Variants in KCNV2 observed in about 807,000 individuals in gnomAD.
KCNV2 encodes the protein potassium voltage-gated channel modifier subfamily V member 2.
Under a neutral mutation model 37.0 loss-of-function variants are expected in KCNV2, and 65 were observed. The ratio of observed to expected loss-of-function variants is 1.76; its 90% CI spans 1.44 to 2.16. The LOEUF is 2.16. Ranked by LOEUF, KCNV2 falls within the 30% of genes most tolerant of loss-of-function variation. KCNV2 has a pLI of 0.00. For synonymous variants in KCNV2, 518 were observed against 328.6 expected, an observed-to-expected ratio of 1.58 and a Z score of -6.23; for missense variants, 1,232 against 766.7, an observed-to-expected ratio of 1.61 and a Z score of -7.17.
chr9:2,724,553 T>G (rs911672684), intron 1 of KCNV2, among the ~76,000 whole-genome samples: 1 of 151,974 alleles, frequency 6.6e-6, no homozygotes, highest in Non-Finnish European at 1.5e-5. Flanking sequence ...ATTGGGAGAA[T>G]AAATGGGAAA....
chr9:2,728,230 G>C (rs991831061), intron 1 of KCNV2, among the ~76,000 whole-genome samples: 2 of 152,120 alleles, frequency 1.3e-5, no homozygotes, highest in African/African-American at 4.8e-5. Flanking sequence ...CCTCAGCACG[G>C]ATCAACAAGA....
chr9:2,729,222 G>A (rs150880112), intron 1 of KCNV2, among the ~76,000 whole-genome samples: 2 of 152,304 alleles, frequency 1.3e-5, no homozygotes, highest in East Asian at 3.9e-4. Flanking sequence ...TCGTAGTCAG[G>A]ATTTCAGCCA....
In KCNV2 at chr9:2,717,782, C is replaced by T. The variant is rs761171845; in HGVS notation, c.43C>T (p.Pro15Ser). The change falls in exon 1 of 2, where the codon CCC becomes TCC. Residue 15 changes from proline (P) to serine (S), a missense_variant. Physicochemically the swap from Pro to Ser is moderately conservative, Grantham distance 74. Transcript: ENST00000382082. ...GAGGAGACGGTCCTGGAGCTACAGG[C>T]CCTGGAACACGACGGAGAATGAGGG... Reference protein sequence around the residue: ...SERRRSWSYRPWNTTENEGSQ... With the variant: ...SERRRSWSYRSWNTTENEGSQ... The T allele has an allele frequency of 1.9e-6, 3 of 1,614,216 alleles. No homozygotes were observed. Among genetic ancestry groups the T allele is most frequent in the East Asian group, 2.2e-5 (1 of 44,884 alleles).
chr9:2,722,772 T>G (rs896385298), intron 1 of KCNV2, among the ~76,000 whole-genome samples: 2 of 152,166 alleles, frequency 1.3e-5, no homozygotes, highest in Non-Finnish European at 2.9e-5. Flanking sequence ...AAGGTTCTTC[T>G]CTTTCATGAG....
chr9:2,718,593 T>C lies in KCNV2; in HGVS notation c.854T>C (p.Met285Thr), dbSNP rs148050307. The C allele has an allele frequency of 6.2e-7, 1 of 1,613,006 alleles. No homozygotes were observed. The highest frequency in any genetic ancestry group is 8.5e-7 in the Non-Finnish European group (1 of 1,179,800). ...CTGGCGCTCAACACCGTGGAGGAGA[T>C]GCAGCAGCACTCGGGGCAGGGCGAG... is the stretch of plus-strand genomic sequence containing the variant. ...VALALNTVEE[M>T]QQHSGQGEGG... is the part of the protein sequence containing the mutation. Residue 285 changes from methionine (M) to threonine (T), a missense_variant, in exon 1 of 2, where the codon ATG (methionine) becomes ACG (threonine). Physicochemically the swap from Met to Thr is moderately conservative, Grantham distance 81. Coordinates refer to ENST00000382082, the MANE Select transcript of KCNV2 (RefSeq NM_133497.4).
intron 1 of KCNV2, among the ~76,000 whole-genome samples, chr9:2,723,725 T>C (rs994248918): frequency 7.9e-5 from 12 of 152,344 alleles, no homozygotes; most frequent in Middle Eastern, 3.4e-3. Context: ...AATGATTCTT[T>C]TTCTACTGAG....
Position 2,718,713 on chromosome 9 carries a change from C to A in KCNV2, c.974C>A (p.Pro325His), listed in dbSNP as rs780804898. 2 of 1,613,086 alleles carry A rather than the reference C, an allele frequency of 1.2e-6. No individual in the cohort carries two copies. The highest frequency in any genetic ancestry group is 1.1e-5 in the South Asian group (1 of 91,086). ...LEYLLRLAST[P>H]DLRRFARSAL... ...TACCTGCTGCGCCTAGCCTCCACGC[C>A]CGACCTGAGGCGCTTCGCGCGCAGC... is the stretch of plus-strand genomic sequence containing the variant. Residue 325 changes from proline (P) to histidine (H), a missense_variant, in exon 1 of 2, where the codon CCC becomes CAC. Transcript: ENST00000382082.
rs147609980 is a variant in KCNV2, at chr9:2,728,228, C to T, written c.1357-1218C>T. 8.5e-4 allele frequency among the ~76,000 whole-genome samples: 129 copies of T among 152,272 alleles called. 1 individual carries two copies. Among genetic ancestry groups the T allele is most frequent in the African/African-American group, 2.8e-3 (118 of 41,558 alleles). On this transcript the variant is annotated intron_variant, in intron 1 of 1. Coordinates refer to ENST00000382082, the MANE Select transcript of KCNV2 (RefSeq NM_133497.4). ...TGCTAAGCTAACGGCCACCTCAGCA[C>T]GGATCAACAAGATGACCATATGCTT...
In KCNV2 at chr9:2,718,341, T is replaced by A. The variant is rs761992453; in HGVS notation, c.602T>A (p.Ile201Asn). Residue 201 changes from isoleucine to asparagine, a missense_variant, in exon 1 of 2, where the codon ATC becomes AAC. Ile to Asn is a moderately radical substitution (Grantham distance 149). Transcript: ENST00000382082. ...RLKYTPRCCR[I>N]CFEERRDELS... Reference sequence around the variant, plus strand: ...AAGTACACGCCACGCTGCTGCCGCATCTGCTTCGAGGAGCGGCGCGACGAG... The same window carrying A: ...AAGTACACGCCACGCTGCTGCCGCAACTGCTTCGAGGAGCGGCGCGACGAG... The A allele has an allele frequency of 2.7e-5, 43 of 1,603,238 alleles. No individual in the cohort carries two copies. Among genetic ancestry groups the A allele is most frequent in the Non-Finnish European group, 3.1e-5 (37 of 1,176,698 alleles).
intron 1 of KCNV2, among the ~76,000 whole-genome samples, chr9:2,723,692 A>C (rs1040883736): frequency 2.6e-5 from 4 of 152,220 alleles, no homozygotes; most frequent in Non-Finnish European, 4.4e-5. Flanking sequence ...TTCTACATTC[A>C]TTTGGGAAGA....
chr9:2,718,263 G>C lies in KCNV2; in HGVS notation c.524G>C (p.Gly175Ala). ...YLSGVLLVLD[G>A]LCPRRFLEEL... ...TCCGGGGTGCTGCTGGTGCTCGACG[G>C]GCTGTGTCCGCGCCGCTTCCTGGAG... The change falls in exon 1 of 2, where the codon GGG (glycine) becomes GCG (alanine). Residue 175 changes from glycine (G) to alanine (A), a missense_variant. Gly to Ala is a moderately conservative substitution (Grantham distance 60). Transcript: ENST00000382082. The C allele has an allele frequency of 6.2e-7, 1 of 1,612,724 alleles. No homozygotes were observed. The highest frequency in any genetic ancestry group is 1.1e-5 in the South Asian group (1 of 91,012).
In KCNV2 at chr9:2,718,796, G is replaced by A. The variant is rs369069912; in HGVS notation, c.1057G>A (p.Glu353Lys). Residue 353 changes from glutamate to lysine, a missense_variant, in exon 1 of 2, where the codon GAG becomes AAG. By Grantham distance (56) the Glu-to-Lys change is moderately conservative. Transcript: ENST00000382082. ...GCCGCTCTACCTTCAGCTGCTGCTC[G>A]AGTGCTTCACGGGCGAGGGCCACCA... is the stretch of plus-strand genomic sequence containing the variant. ...ILPLYLQLLL[E>K]CFTGEGHQRG... The A allele has an allele frequency of 4.3e-6, 7 of 1,610,588 alleles. No individual in the cohort carries two copies. The highest frequency in any genetic ancestry group is 1.3e-5 in the African/African-American group (1 of 74,944).
rs1820042555 is a variant in KCNV2, at chr9:2,730,014, C to T, written c.*287C>T. On this transcript the variant is annotated 3_prime_UTR_variant, in exon 2 of 2. Transcript: ENST00000382082. ...TCTTGTAGCTTCTCGTGGCATCTAG[C>T]TCAATAAATATTTTTGGACTTGAGT... is the stretch of plus-strand genomic sequence containing the variant. 2 of 362,632 alleles carry T rather than the reference C, an allele frequency of 5.5e-6. No individual in the cohort carries two copies. Among genetic ancestry groups the T allele is most frequent in the Non-Finnish European group, 1.0e-5 (2 of 199,062 alleles). The allele number at this position is 362,632 out of a possible 1,614,324, so 22.5% of individuals were successfully genotyped here. A position where few individuals can be genotyped will look rare whatever the true frequency, so the allele number is the denominator to read the frequency against.
chr9:2,724,781 A>G (rs1416422176), intron 1 of KCNV2, among the ~76,000 whole-genome samples: 1 of 152,254 alleles, frequency 6.6e-6, no homozygotes, highest in African/African-American at 2.4e-5. Flanking sequence ...TAGGCAGAAC[A>G]TAACTAGAAG....
chr9:2,729,363 C>G (rs550360190), intron 1 of KCNV2, 83 bp from the exon 2 acceptor site: 18 of 1,486,506 alleles, frequency 1.2e-5, no homozygotes, highest in Non-Finnish European at 1.7e-5. Flanking sequence ...ACAGGGAGGA[C>G]GCTTCCCTGC....
At position 2,718,656 on chromosome 9, in the gene KCNV2, A is replaced by C; in HGVS notation, c.917A>C (p.Glu306Ala). ...PDLRPILEHVEMLCMGFFTLE... is the reference protein window; with the variant it reads ...PDLRPILEHVAMLCMGFFTLE... Reference sequence around the variant, plus strand: ...CTGCGGCCCATCCTGGAGCACGTGGAGATGCTGTGCATGGGCTTCTTCACG... The same window carrying C: ...CTGCGGCCCATCCTGGAGCACGTGGCGATGCTGTGCATGGGCTTCTTCACG... Residue 306 changes from glutamate to alanine, a missense_variant, in exon 1 of 2, where the codon GAG (glutamate) becomes GCG (alanine). Coordinates refer to ENST00000382082, the MANE Select transcript of KCNV2 (RefSeq NM_133497.4). The C allele has an allele frequency of 6.2e-7, 1 of 1,613,376 alleles. No individual in the cohort carries two copies. Among genetic ancestry groups the C allele is most frequent in the Non-Finnish European group, 8.5e-7 (1 of 1,179,842 alleles).
At chr9:2,729,411 G>T in intron 1 of KCNV2, 35 bp from the exon 2 acceptor site, 1 of 1,611,622 alleles carries the variant, frequency 6.2e-7, no homozygotes, top group East Asian at 2.2e-5. Flanking sequence ...CGATCTTAGT[G>T]CTAACAATTC....
Position 2,729,772 on chromosome 9 carries a change from C to T in KCNV2, c.*45C>T, listed in dbSNP as rs1353480491. 2.5e-6 allele frequency: 4 copies of T among 1,569,812 alleles called. No homozygotes were observed. The highest frequency in any genetic ancestry group is 1.7e-5 in the Admixed American group (1 of 59,944). On this transcript the variant is annotated 3_prime_UTR_variant, in exon 2 of 2. Transcript: ENST00000382082. The stretch of plus-strand genomic sequence containing the variant: ...CTGGTAGATTCCATGAACTTCAAGG[C>T]TTCATTGCTCTTTTTTTAATCATTA...
Position 2,718,155 on chromosome 9 carries a change from GCGA to G in KCNV2, c.421_423del (p.Asp141del). On this transcript the variant is annotated inframe_deletion, in exon 1 of 2. Transcript: ENST00000382082. The stretch of plus-strand genomic sequence containing the variant: ...AGCCGCAGCCGCCAGCTAAGCCTGT[GCGA>G]CGACTACGAGGAGCAGACAGACGAA... 4 of 1,612,054 alleles carry G rather than the reference GCGA, an allele frequency of 2.5e-6. No individual in the cohort carries two copies. Among genetic ancestry groups the G allele is most frequent in the Non-Finnish European group, 2.5e-6 (3 of 1,179,196 alleles).
Sources: gnomAD v4.1 joint callset for allele counts (sites outside exome capture counted in the v4.1 genomes callset) on GRCh38, gnomAD v4.1.1 for gene constraint, MANE v1.5 for transcripts, NCBI Gene and HGNC (gene_info 2026-07-23, HGNC 2026-07-21) for gene names.